The following PTK2B variants were observed in gnomAD, a reference collection of about 807,000 sequenced individuals.
The protein encoded by PTK2B is protein-tyrosine kinase 2-beta.
Under a neutral mutation model 142.9 loss-of-function variants are expected in PTK2B, and 71 were observed. The observed-to-expected ratio is 0.50, with a 90% CI of 0.41 to 0.61. PTK2B has a LOEUF of 0.61. Among genes scored for constraint, PTK2B ranks in the 20% least tolerant of loss-of-function variants. PTK2B has a pLI of 0.00. For synonymous variants in PTK2B, 519 were observed against 503.4 expected (o/e 1.03, Z -0.42); for missense variants, 1,105 against 1,320.4 (o/e 0.84, Z 2.53).
At chr8:27,426,838 T>C (rs1198763421) in intron 5 of PTK2B, among the ~76,000 whole-genome samples, 1 of 152,222 alleles carries the variant, frequency 6.6e-6, no homozygotes, top group Non-Finnish European at 1.5e-5. Flanking sequence ...TTGATCATGC[T>C]AAAATGCTCT....
rs1464528495 is a variant in PTK2B at position 27,363,079 on chromosome 8, A to G, written c.-37-34469A>G. 6.6e-6 allele frequency among the ~76,000 whole-genome samples: 1 copy of G among 152,226 alleles called. No homozygotes were observed. Among genetic ancestry groups the G allele is most frequent in the Admixed American group, 6.5e-5 (1 of 15,278 alleles). ...CATGGTGGAAAATGACTAAAAACTCAGGATATCCCACTGGCCCTGGGCAAA... is the reference window on the plus strand; with the variant it reads ...CATGGTGGAAAATGACTAAAAACTCGGGATATCCCACTGGCCCTGGGCAAA... On this transcript the variant is annotated intron_variant, in intron 1 of 30. Transcript: ENST00000346049. This position sits in a 1 kb window ranked among gnomAD's most constrained non-coding sequence, Gnocchi z 4.3.
intron 1 of PTK2B, among the ~76,000 whole-genome samples, chr8:27,379,476 C>G (rs967802246): frequency 6.6e-6 from 1 of 152,210 alleles, no homozygotes; most frequent in Non-Finnish European, 1.5e-5. Flanking sequence ...GATCTACCTA[C>G]CTCGGCCTCC....
intron 2 of PTK2B, among the ~76,000 whole-genome samples, chr8:27,417,863 G>C (rs1465745208): frequency 6.6e-6 from 1 of 152,194 alleles, no homozygotes; most frequent in South Asian, 2.1e-4. Flanking sequence ...CACCAGTGGT[G>C]GGGGCTCCAG....
chr8:27,380,374 A>T (rs896201671), intron 1 of PTK2B, among the ~76,000 whole-genome samples: 2 of 152,044 alleles, frequency 1.3e-5, no homozygotes, highest in African/African-American at 4.8e-5. Flanking sequence ...TCCTGCTACC[A>T]TGTGAGTTGT....
intron 18 of PTK2B, 191 bp downstream of exon 18, chr8:27,438,071 A>G (rs1008157997): frequency 1.9e-5 from 11 of 576,578 alleles, no homozygotes; most frequent in Admixed American, 5.9e-5. Flanking sequence ...CAGGCACTGT[A>G]TGTACCTCAT....
chr8:27,435,821 C>A, intron 14 of PTK2B, 28 bp downstream of exon 14: 1 of 1,608,378 alleles, frequency 6.2e-7, no homozygotes, highest in Non-Finnish European at 8.5e-7. Flanking sequence ...CCACAGCGAC[C>A]GTAGTCAAGG....
At chr8:27,401,727 G>C (rs1231918999) in intron 2 of PTK2B, among the ~76,000 whole-genome samples, 1 of 152,220 alleles carries the variant, frequency 6.6e-6, no homozygotes, top group East Asian at 1.9e-4. Context: ...TGAGTGACAT[G>C]AGATTGTGCT....
chr8:27,440,547 C>T (rs186734555), intron 21 of PTK2B, 106 bp downstream of exon 21: 4 of 1,354,862 alleles, frequency 3.0e-6, no homozygotes, highest in Non-Finnish European at 4.1e-6. Flanking sequence ...AGAAGACGGG[C>T]CAGGGTCAAG....
chr8:27,384,802 C>T (rs1431740529), intron 1 of PTK2B, among the ~76,000 whole-genome samples: 9 of 152,168 alleles, frequency 5.9e-5, no homozygotes, highest in Admixed American at 2.6e-4. Flanking sequence ...TATATTCCAG[C>T]GATGCCAACA....
At chr8:27,455,074 G>T (rs893078141) in intron 30 of PTK2B, among the ~76,000 whole-genome samples, 1 of 152,154 alleles carries the variant, frequency 6.6e-6, no homozygotes, top group Non-Finnish European at 1.5e-5. Flanking sequence ...GTAGTAGGGA[G>T]AGTAAAGGCC....
intron 1 of PTK2B, among the ~76,000 whole-genome samples, chr8:27,348,670 G>A (rs528155563): frequency 1.3e-5 from 2 of 152,244 alleles, no homozygotes; most frequent in East Asian, 1.9e-4. Flanking sequence ...TCATCCGGGG[G>A]CCCAAATTGG....
intron 2 of PTK2B, among the ~76,000 whole-genome samples, chr8:27,416,202 A>G (rs1338632414): frequency 2.0e-5 from 3 of 152,266 alleles, no homozygotes; most frequent in Admixed American, 1.3e-4. Flanking sequence ...ATTTATGTGG[A>G]CATGCAAAGA....
At chr8:27,451,100 C>T (rs2132452638) in intron 26 of PTK2B, 22 bp downstream of exon 26, 1 of 1,608,454 alleles carries the variant, frequency 6.2e-7, no homozygotes, top group Non-Finnish European at 8.5e-7. Context: ...GGAGAGGCCG[C>T]CTCCTCCATG....
At chr8:27,375,786 C>T (rs1806633477) in intron 1 of PTK2B, among the ~76,000 whole-genome samples, 1 of 152,318 alleles carries the variant, frequency 6.6e-6, no homozygotes, top group East Asian at 1.9e-4. Context: ...GCCATGTCCA[C>T]TTATGTCTGG....
chr8:27,416,194 T>C (rs1809393234), intron 2 of PTK2B, among the ~76,000 whole-genome samples: 2 of 152,256 alleles, frequency 1.3e-5, no homozygotes, highest in South Asian at 4.1e-4. Flanking sequence ...ATTCTAACAT[T>C]TATGTGGACA....
At chr8:27,435,417 A>G (rs1321053594) in intron 13 of PTK2B, among the ~76,000 whole-genome samples, 1 of 152,252 alleles carries the variant, frequency 6.6e-6, no homozygotes, top group African/African-American at 2.4e-5. Flanking sequence ...CCTTAATGGT[A>G]TTAAACATGC....
intron 1 of PTK2B, among the ~76,000 whole-genome samples, chr8:27,353,861 G>A (rs1411410102): frequency 6.6e-6 from 1 of 152,166 alleles, no homozygotes; most frequent in African/African-American, 2.4e-5. Context: ...GATGAAGCAG[G>A]GAAAGGCAGG....
At chr8:27,315,640 T>TG (rs1425497345) in intron 3 of PTK2B, among the ~76,000 whole-genome samples, 1 of 152,142 alleles carries the variant, frequency 6.6e-6, no homozygotes, top group East Asian at 1.9e-4. Context: ...GTCTTTTTTT[T>TG]TTCTCATATT....
chr8:27,406,790 G>A (rs1282203143), intron 2 of PTK2B, among the ~76,000 whole-genome samples: 2 of 152,258 alleles, frequency 1.3e-5, no homozygotes, highest in Non-Finnish European at 2.9e-5. Flanking sequence ...AAGCATTATG[G>A]TACCATGAAT....
Sources: gnomAD v4.1 joint callset for allele counts (sites outside exome capture counted in the v4.1 genomes callset) on GRCh38, gnomAD v4.1.1 for gene constraint, Gnocchi (gnomAD v3.1) non-coding constraint, MANE v1.5 for transcripts, NCBI Gene and HGNC (gene_info 2026-07-23, HGNC 2026-07-21) for gene names.